FER1L5: variants seen among roughly 807,000 people sequenced by gnomAD.
FER1L5 encodes fer-1-like protein 5.
A neutral mutation model predicts 279.9 loss-of-function variants in FER1L5; 187 were observed. The observed-to-expected ratio is 0.67, with a 90% CI of 0.59 to 0.75. The LOEUF is 0.75. Among genes scored for constraint, FER1L5 ranks in the 30% least tolerant of loss-of-function variants. The probability of loss-of-function intolerance (pLI) is 0.00; values close to 1 mark genes in which losing one functional copy is unlikely to be tolerated. For missense variants in FER1L5, 2,091 were observed against 2,594.4 expected, an observed-to-expected ratio of 0.81 and a Z score of 4.21; for synonymous variants, 921 against 989.7, an observed-to-expected ratio of 0.93 and a Z score of 1.30.
intron 42 of FER1L5, 28 bp from the exon 43 acceptor site, chr2:96,699,522 T>C (rs780000494): frequency 6.9e-6 from 11 of 1,602,256 alleles, no homozygotes; most frequent in South Asian, 5.6e-5. Context: ...GCCCACATCC[T>C]CTGCAGTCTC....
chr2:96,703,249 AT>A lies in FER1L5; in HGVS notation c.5597del (p.Phe1866SerfsTer15), dbSNP rs1558937620. On this transcript the variant is annotated frameshift_variant, in exon 50 of 53. Transcript: ENST00000624922. LOFTEE classifies it high-confidence loss of function. ...RMMDADPKWP[Y>X]FIQYKHFSLF... The stretch of plus-strand genomic sequence containing the variant: ...ATGGACGCCGACCCCAAGTGGCCCT[AT>A]TTCATCCAATACAAGCACTTCTCCC... 2 of 1,613,840 alleles carry A rather than the reference AT, an allele frequency of 1.2e-6. No individual in the cohort carries two copies. Among genetic ancestry groups the A allele is most frequent in the South Asian group, 2.2e-5 (2 of 91,074 alleles).
At position 96,686,281 on chromosome 2, in the gene FER1L5, C is replaced by T. The variant is rs2076922014; in HGVS notation, c.2160C>T (p.Val720=). ...ATGCACAGGTGCCTGCCCACTCCGTCCTCTTCTCCCCGGCAGGGGCTCTGC... is the reference window on the plus strand; with the variant it reads ...ATGCACAGGTGCCTGCCCACTCCGTTCTCTTCTCCCCGGCAGGGGCTCTGC... ...VAYAQVPAHS[V]LFSPAGALHS... is the part of the protein sequence containing the mutation. Residue 720 remains valine (V), a synonymous_variant, in exon 23 of 53, where the codon GTC becomes GTT. Coordinates refer to ENST00000624922, the MANE Select transcript of FER1L5 (RefSeq NM_001293083.2). 4 of 1,551,660 alleles carry T rather than the reference C, an allele frequency of 2.6e-6. No individual in the cohort carries two copies. Among genetic ancestry groups the T allele is most frequent in the Non-Finnish European group, 3.5e-6 (4 of 1,146,980 alleles).
intron 14 of FER1L5, among the ~76,000 whole-genome samples, chr2:96,665,605 CTTTT>C (rs769796630): frequency 6.9e-6 from 1 of 143,968 alleles, no homozygotes; most frequent in Non-Finnish European, 1.5e-5. Context: ...CTTTGTTCAT[CTTTT>C]TTTTTTTTTT....
Position 96,698,536 on chromosome 2 carries a change from C to A in FER1L5, c.4357-135C>A, listed in dbSNP as rs576412563. 2 of 746,072 alleles carry A rather than the reference C, an allele frequency of 2.7e-6. No individual in the cohort carries two copies. Among genetic ancestry groups the A allele is most frequent in the Non-Finnish European group, 4.4e-6 (2 of 458,258 alleles). 46.2% of individuals were successfully genotyped at this position (746,072 alleles called of 1,614,324 possible). ...CACCTTCTGTACCTGCCTCCACTGT[C>A]CTCATGGCCTTCTATCCCTGCCACC... On this transcript the variant is annotated intron_variant, in intron 40 of 52. Coordinates refer to ENST00000624922, the MANE Select transcript of FER1L5 (RefSeq NM_001293083.2). The surrounding 1 kb of genome is among the most constrained non-coding windows in gnomAD (Gnocchi z 5.5).
At chr2:96,647,254 A>G (rs1046849811) in intron 3 of FER1L5, 99 bp downstream of exon 3, 1 of 1,281,790 alleles carries the variant, frequency 7.8e-7, no homozygotes, top group Non-Finnish European at 1.1e-6. Context: ...AGATGAAGGA[A>G]TGGAACCCAC....
At chr2:96,646,894 C>T (rs1280871584) in intron 2 of FER1L5, among the ~76,000 whole-genome samples, 170 bp from the exon 3 acceptor site, 1 of 152,090 alleles carries the variant, frequency 6.6e-6, no homozygotes, top group Non-Finnish European at 1.5e-5. Context: ...ATGCCCACAC[C>T]TTGGTGAAAG....
chr2:96,669,030 T>C lies in FER1L5; in HGVS notation c.1268-13T>C, dbSNP rs1403454232. The C allele has an allele frequency of 1.3e-6, 2 of 1,551,430 alleles. No individual in the cohort carries two copies. Among genetic ancestry groups the C allele is most frequent in the African/African-American group, 1.4e-5 (1 of 73,008 alleles). On this transcript the variant is annotated splice_polypyrimidine_tract_variant and intron_variant, in intron 16 of 52. Transcript: ENST00000624922. ...GTCCTGCGCCCGACCCTTCTCACTCTCTCTCCTTCCAGGAGTGTACTCCGG... is the reference window on the plus strand; with the variant it reads ...GTCCTGCGCCCGACCCTTCTCACTCCCTCTCCTTCCAGGAGTGTACTCCGG...
chr2:96,650,140 C>A, intron 5 of FER1L5, 40 bp from the exon 6 acceptor site: 3 of 1,475,294 alleles, frequency 2.0e-6, no homozygotes, highest in Non-Finnish European at 2.8e-6. Flanking sequence ...ACCTCCTGGG[C>A]CCCAGGCCTC....
chr2:96,649,063 A>C (rs1021151173), intron 4 of FER1L5, among the ~76,000 whole-genome samples: 18 of 151,536 alleles, frequency 1.2e-4, no homozygotes, highest in African/African-American at 4.1e-4. Flanking sequence ...GAGGTGGGAG[A>C]GCTTAGGTTG....
intron 19 of FER1L5, among the ~76,000 whole-genome samples, chr2:96,681,349 C>A (rs2076718108): frequency 6.6e-6 from 1 of 151,848 alleles, no homozygotes; most frequent in African/African-American, 2.4e-5. Context: ...CGTGTCTCAA[C>A]CAATCAATAA....
At chr2:96,649,492 C>A in intron 4 of FER1L5, 131 bp from the exon 5 acceptor site, 2 of 790,852 alleles carry the variant, frequency 2.5e-6, no homozygotes, top group Admixed American at 2.2e-5. Context: ...GGTGTGGCCC[C>A]ATCCCATGAC....
intron 1 of FER1L5, among the ~76,000 whole-genome samples, chr2:96,645,419 TATC>T (rs1168230183): frequency 2.0e-5 from 3 of 152,030 alleles, no homozygotes; most frequent in Admixed American, 6.6e-5. Context: ...CAGTGGCAAA[TATC>T]ATACCCATAT....
At chr2:96,649,808 C>A in intron 5 of FER1L5, 131 bp downstream of exon 5, 2 of 878,642 alleles carry the variant, frequency 2.3e-6, no homozygotes, top group Non-Finnish European at 3.5e-6. Context: ...AGGCTAGGGT[C>A]CCTGGAAGCT....
Position 96,686,249 on chromosome 2 carries a change from G to A in FER1L5, c.2128G>A (p.Val710Met), listed in dbSNP as rs972895016. The A allele has an allele frequency of 4.5e-6, 7 of 1,551,420 alleles. No homozygotes were observed. The African/African-American group carries it at 8.2e-5, about 18-fold the overall frequency. The change falls in exon 23 of 53, where the codon GTG becomes ATG. Residue 710 changes from valine (V) to methionine (M), a missense_variant. Physicochemically the swap from Val to Met is conservative, Grantham distance 21 (BLOSUM62 1). Transcript: ENST00000624922. Reference protein sequence around the residue: ...MIWLVAKEQRVAYAQVPAHSV... With the variant: ...MIWLVAKEQRMAYAQVPAHSV... The stretch of plus-strand genomic sequence containing the variant: ...TTGGCTGGTGGCCAAGGAGCAGCGA[G>A]TGGCCTATGCACAGGTGCCTGCCCA...
intron 36 of FER1L5, 65 bp from the exon 37 acceptor site, chr2:96,695,987 G>C (rs1349972689): frequency 1.2e-6 from 2 of 1,605,716 alleles, no homozygotes; most frequent in Non-Finnish European, 1.7e-6. Flanking sequence ...TACCCCGTGG[G>C]GTTGGTGCTT....
Position 96,698,970 on chromosome 2 carries a change from C to T in FER1L5, c.4519-75C>T, listed in dbSNP as rs2077488124. 6.5e-7 allele frequency: 1 copy of T among 1,536,210 alleles called. No homozygotes were observed. The highest frequency in any genetic ancestry group is 2.0e-5 in the Admixed American group (1 of 51,104). ...GTGGTGCGAGGGGCTTGTTTCCACCCTCCTCCCACCCTCCCTGACAAACCT... is the reference window on the plus strand; with the variant it reads ...GTGGTGCGAGGGGCTTGTTTCCACCTTCCTCCCACCCTCCCTGACAAACCT... On this transcript the variant is annotated intron_variant, in intron 41 of 52. Coordinates refer to ENST00000624922, the MANE Select transcript of FER1L5 (RefSeq NM_001293083.2). The surrounding 1 kb of genome is among the most constrained non-coding windows in gnomAD (Gnocchi z 5.5).
chr2:96,643,657 C>G (rs1558828313), intron 1 of FER1L5, among the ~76,000 whole-genome samples: 1 of 151,826 alleles, frequency 6.6e-6, no homozygotes, highest in South Asian at 2.1e-4. Flanking sequence ...GCCTACAAAG[C>G]CTTTTCATAT....
At chr2:96,695,476 C>G (rs1167457929) in intron 34 of FER1L5, 33 bp from the exon 35 acceptor site, 4 of 1,549,738 alleles carry the variant, frequency 2.6e-6, no homozygotes, top group Non-Finnish European at 3.5e-6. Context: ...CGCTGCCTGC[C>G]CCTTGTCCTG....
At position 96,662,153 on chromosome 2, in the gene FER1L5, C is replaced by T. The variant is rs754182338; in HGVS notation, c.1019-62C>T. The T allele has an allele frequency of 5.4e-5, 81 of 1,503,888 alleles. 1 individual carries two copies. The South Asian group carries it at 5.9e-4, about 11-fold the overall frequency. The allele number at this position is 1,503,888 out of a possible 1,614,324, so 93.2% of individuals were successfully genotyped here. ...AGGGTTTTCAGTTGTTCTGTCGCCA[C>T]CCTATTTCCTCCTCCTGAAAAATGC... On this transcript the variant is annotated intron_variant, in intron 12 of 52. Transcript: ENST00000624922.
Sources: gnomAD v4.1 joint callset for allele counts (sites outside exome capture counted in the v4.1 genomes callset) on GRCh38, gnomAD v4.1.1 for gene constraint, Gnocchi (gnomAD v3.1) non-coding constraint, MANE v1.5 for transcripts, NCBI Gene and HGNC (gene_info 2026-07-23, HGNC 2026-07-21) for gene names.